The following TCF4 variants were observed in gnomAD, a reference collection of about 807,000 sequenced individuals.
TCF4 encodes transcription factor 4.
Under a neutral mutation model 82.1 loss-of-function variants are expected in TCF4, and 3 were observed. The ratio of observed to expected loss-of-function variants is 0.04; its 90% CI spans 0.02 to 0.09. The LOEUF is 0.09. TCF4 is among the 10% of genes least tolerant of loss of function. The pLI, the probability that TCF4 is intolerant of heterozygous loss-of-function variation, is 1.00. For missense variants in TCF4, 518 were observed against 852.7 expected (o/e 0.61, Z 4.89); for synonymous variants, 276 against 309.6 (o/e 0.89, Z 1.14).
intron 3 of TCF4, among the ~76,000 whole-genome samples, chr18:55,521,004 T>C (rs1381269715): frequency 6.6e-6 from 1 of 152,160 alleles, no homozygotes; most frequent in Non-Finnish European, 1.5e-5. Flanking sequence ...TCAAATTTCT[T>C]ATATGGCTTC....
In TCF4 at chr18:55,313,911, A is replaced by G. The variant is rs936123358; in HGVS notation, c.550-34255T>C. Among the ~76,000 whole-genome samples the G allele has an allele frequency of 5.3e-5, 8 of 152,178 alleles. No individual in the cohort carries two copies. The South Asian group carries it at 1.7e-3, about 32-fold the overall frequency. On this transcript the variant is annotated intron_variant, in intron 8 of 19. Coordinates refer to ENST00000354452, the MANE Select transcript of TCF4 (RefSeq NM_001083962.2). Reference sequence around the variant, plus strand: ...AAAGTATTTTCATCCCAGATCTTCAATCCTACTTCAATGAGTTTGACATTT... The same window carrying G: ...AAAGTATTTTCATCCCAGATCTTCAGTCCTACTTCAATGAGTTTGACATTT...
At position 55,365,311 on chromosome 18, in the gene TCF4, G is replaced by A. The variant is rs547254680; in HGVS notation, c.370-14308C>T. On this transcript the variant is annotated intron_variant, in intron 6 of 19. Transcript: ENST00000354452. ...TATATGATGGCTGGGCTTAGCAGAT[G>A]TGTAGATTCTCCTATTGCTGGGTCC... Among the ~76,000 whole-genome samples the A allele has an allele frequency of 2.0e-5, 3 of 149,502 alleles. No individual in the cohort carries two copies. In the South Asian group the frequency reaches 6.4e-4, roughly 32 times the overall value.
At chr18:55,277,499 T>G (rs1423232239) in intron 9 of TCF4, among the ~76,000 whole-genome samples, 1 of 152,192 alleles carries the variant, frequency 6.6e-6, no homozygotes, top group Non-Finnish European at 1.5e-5. Flanking sequence ...CACAGTAAAT[T>G]AATATTTATC....
chr18:55,586,866 C>A, intron 2 of TCF4, 179 bp downstream of exon 2: 2 of 552,584 alleles, frequency 3.6e-6, no homozygotes, highest in Admixed American at 3.1e-5. Flanking sequence ...CCTGAATCTT[C>A]CATCACACCA....
chr18:55,261,633 G>T, intron 11 of TCF4, 100 bp from the exon 12 acceptor site: 1 of 1,278,838 alleles, frequency 7.8e-7, no homozygotes, highest in Non-Finnish European at 1.1e-6. Context: ...CATTTTTAAT[G>T]CTAATTACAA....
At chr18:55,251,597 C>T (rs1045642254) in intron 15 of TCF4, among the ~76,000 whole-genome samples, 2 of 152,070 alleles carry the variant, frequency 1.3e-5, no homozygotes, top group African/African-American at 4.8e-5. Context: ...GTACGGAGGT[C>T]GAGAGGATTC....
chr18:55,288,101 C>G (rs1048732528), intron 8 of TCF4, among the ~76,000 whole-genome samples: 2 of 152,006 alleles, frequency 1.3e-5, no homozygotes, highest in African/African-American at 2.4e-5. Context: ...GCAAAACTGC[C>G]AGGAGAGATG....
At chr18:55,563,356 T>C (rs1227118334) in intron 3 of TCF4, among the ~76,000 whole-genome samples, 3 of 152,202 alleles carry the variant, frequency 2.0e-5, no homozygotes, top group Non-Finnish European at 2.9e-5. Context: ...AATCACTGAT[T>C]GTTTAATTTT....
rs560732884 is a variant in TCF4 at position 55,257,269 on chromosome 18, C to T, written c.1146+46G>A. ...GTAAAGGAGACTGAACAAGAAAGAA[C>T]ATGACCTGAAAATGGGTGGGACAGA... On this transcript the variant is annotated intron_variant, in intron 14 of 19. Coordinates refer to ENST00000354452, the MANE Select transcript of TCF4 (RefSeq NM_001083962.2). The T allele has an allele frequency of 5.7e-6, 9 of 1,581,428 alleles. No individual in the cohort carries two copies. The South Asian group carries it at 6.6e-5, about 12-fold the overall frequency.
chr18:55,601,236 G>A (rs1267265658), intron 2 of TCF4, among the ~76,000 whole-genome samples: 1 of 152,170 alleles, frequency 6.6e-6, no homozygotes, highest in Non-Finnish European at 1.5e-5. Flanking sequence ...GGACAATTGA[G>A]TAGATAAATC....
rs1234808256 is a variant in TCF4 at position 55,621,615 on chromosome 18, ATAT to A, written c.286+9680_286+9682del. 1.3e-3 allele frequency among the ~76,000 whole-genome samples: 101 copies of A among 80,468 alleles called. 1 individual carries two copies. Among genetic ancestry groups the A allele is most frequent in the African/African-American group, 4.6e-3 (90 of 19,518 alleles). 52.8% of individuals were successfully genotyped at this position (80,468 alleles called of 152,430 possible). A position where few individuals can be genotyped will look rare whatever the true frequency, so the allele number is the denominator to read the frequency against. ...TATTATATATTATGTACATTATATA[ATAT>A]TATATATAATATATATATTATATAA... On this transcript the variant is annotated intron_variant, in intron 2 of 20. Transcript: ENST00000398339.
intron 8 of TCF4, 149 bp from the exon 9 acceptor site, chr18:55,279,805 G>A (rs1184973531): frequency 9.5e-6 from 12 of 1,261,548 alleles, no homozygotes; most frequent in East Asian, 2.6e-5. Flanking sequence ...TGCCCTTTCC[G>A]AACACACTAA....
upstream of TCF4, chr18:55,588,478 T>A (rs2097674336): frequency 2.0e-6 from 3 of 1,535,226 alleles, no homozygotes; most frequent in Middle Eastern, 1.7e-4. Context: ...ACCTCATTTT[T>A]CCTCAGATCG....
chr18:55,510,581 CT>C, intron 3 of TCF4: 1 of 1,505,298 alleles, frequency 6.6e-7, no homozygotes, highest in East Asian at 2.5e-5. Flanking sequence ...ATATTTACCT[CT>C]GCTGTCCTCT....
At chr18:55,261,637 A>C in intron 11 of TCF4, 104 bp from the exon 12 acceptor site, 1 of 1,167,440 alleles carries the variant, frequency 8.6e-7, no homozygotes, top group Non-Finnish European at 1.3e-6. Context: ...TTTAATGCTA[A>C]TTACAACACA....
intron 8 of TCF4, among the ~76,000 whole-genome samples, chr18:55,328,695 A>C (rs1342588690): frequency 6.6e-6 from 1 of 152,190 alleles, no homozygotes; most frequent in Non-Finnish European, 1.5e-5. Flanking sequence ...ATTTGTCTGG[A>C]TGAAGGATGA....
intron 5 of TCF4, among the ~76,000 whole-genome samples, chr18:55,442,250 C>T (rs903834342): frequency 1.3e-5 from 2 of 152,308 alleles, no homozygotes; most frequent in African/African-American, 4.8e-5. Flanking sequence ...GCAGAATGTG[C>T]TTCCAATTTA....
intron 3 of TCF4, among the ~76,000 whole-genome samples, chr18:55,584,801 A>AT (rs1399716541): frequency 6.6e-6 from 1 of 152,208 alleles, no homozygotes; most frequent in Non-Finnish European, 1.5e-5. Flanking sequence ...GCAAGAGGCT[A>AT]TTTACAGCTA....
intron 8 of TCF4, among the ~76,000 whole-genome samples, chr18:55,292,635 T>C (rs2065347132): frequency 6.6e-6 from 1 of 152,214 alleles, no homozygotes; most frequent in Non-Finnish European, 1.5e-5. Context: ...GTTCTTTGTT[T>C]ACATAATTAG....
Sources: allele counts gnomAD v4.1 joint callset (sites outside exome capture counted in the v4.1 genomes callset), GRCh38; gene constraint gnomAD v4.1.1; transcripts MANE v1.5; gene names NCBI Gene and HGNC (gene_info 2026-07-23, HGNC 2026-07-21).